WWC2: variants seen among roughly 807,000 people sequenced by gnomAD.
WWC2 encodes the protein protein WWC2.
A neutral mutation model predicts 138.5 loss-of-function variants in WWC2; 101 were observed. The ratio of observed to expected loss-of-function variants is 0.73; its 90% CI spans 0.62 to 0.86. The LOEUF is 0.86. Ranked by LOEUF, WWC2 falls within the 40% of genes least tolerant of loss-of-function variation. The pLI is 0.00. For missense variants in WWC2, 1,420 were observed against 1,419.4 expected (o/e 1.00, Z -0.01); for synonymous variants, 558 against 538.4 (o/e 1.04, Z -0.50).
intron 4 of WWC2, among the ~76,000 whole-genome samples, chr4:183,239,671 G>A (rs1248793522): frequency 2.6e-5 from 4 of 152,192 alleles, no homozygotes; most frequent in South Asian, 2.1e-4. Context: ...ATAAAACAGA[G>A]CCGTGGCAGG....
intron 1 of WWC2, among the ~76,000 whole-genome samples, chr4:183,121,645 C>T (rs1732603843): frequency 6.6e-6 from 1 of 152,034 alleles, no homozygotes; most frequent in South Asian, 2.1e-4. Context: ...TATGCCTGTT[C>T]CCCACACCTT....
At chr4:183,269,471 C>T (rs1560878118) in intron 15 of WWC2, 2 of 535,658 alleles carry the variant, frequency 3.7e-6, no homozygotes, top group African/African-American at 3.8e-5. Flanking sequence ...TTACCACTCC[C>T]AGTACCAATG....
chr4:183,118,784 T>A (rs1054256495), intron 1 of WWC2, among the ~76,000 whole-genome samples: 65 of 152,298 alleles, frequency 4.3e-4, no homozygotes, highest in African/African-American at 1.5e-3. Context: ...AAAGACATTA[T>A]GGGGCTGCAG....
chr4:183,127,723 A>G (rs1208953090), intron 1 of WWC2, among the ~76,000 whole-genome samples: 1 of 152,198 alleles, frequency 6.6e-6, no homozygotes, highest in Non-Finnish European at 1.5e-5. Flanking sequence ...TCATTTTACT[A>G]TCTATATTAT....
intron 21 of WWC2, among the ~76,000 whole-genome samples, chr4:183,301,967 A>C (rs1738855391): frequency 6.6e-6 from 1 of 152,242 alleles, no homozygotes; most frequent in Non-Finnish European, 1.5e-5. Context: ...CCCTCACTTA[A>C]TTCTAATAGT....
intron 2 of WWC2, among the ~76,000 whole-genome samples, chr4:183,195,959 G>A (rs993556757): frequency 2.0e-5 from 3 of 152,172 alleles, no homozygotes; most frequent in Admixed American, 6.5e-5. Context: ...GATCGTGGGA[G>A]TGGATTTCTC....
intron 2 of WWC2, among the ~76,000 whole-genome samples, chr4:183,197,501 G>A (rs2111219271): frequency 6.6e-6 from 1 of 152,298 alleles, no homozygotes; most frequent in Admixed American, 6.5e-5. Flanking sequence ...AAACACTATT[G>A]AATATTTAGA....
At chr4:183,178,375 TACAAATAA>T (rs1223270910) in intron 1 of WWC2, among the ~76,000 whole-genome samples, 24 of 112,910 alleles carry the variant, frequency 2.1e-4, no homozygotes, top group African/African-American at 7.8e-4. Flanking sequence ...ACCCTGTTTC[TACAAATAA>T]ATAAATAAAT....
chr4:183,188,549 A>G lies in WWC2; in HGVS notation c.132-5050A>G, dbSNP rs181761048. 5.0e-4 allele frequency among the ~76,000 whole-genome samples: 76 copies of G among 151,428 alleles called. 1 individual carries two copies. The East Asian group carries it at 0.01, about 20-fold the overall frequency. ...CACTGCACGTGGCCCATTGTGACCT[A>G]TTCTGATATCTAATGTTTGTTTTCT... On this transcript the variant is annotated intron_variant, in intron 1 of 22. Transcript: ENST00000403733.
intron 16 of WWC2, among the ~76,000 whole-genome samples, chr4:183,279,349 T>C (rs1447702054): frequency 6.6e-6 from 1 of 152,008 alleles, no homozygotes; most frequent in Non-Finnish European, 1.5e-5. Context: ...GTGGATAAGC[T>C]TTTTGATGTG....
At chr4:183,283,114 T>C (rs3814418) in intron 18 of WWC2, among the ~76,000 whole-genome samples, 41,625 of 152,130 alleles carry the variant, frequency 0.27, 6,128 homozygotes, top group Middle Eastern at 0.43. Flanking sequence ...TCTCCACTTA[T>C]ATTTGGAGAA....
At chr4:183,276,795 T>C (rs11729048) in intron 16 of WWC2, among the ~76,000 whole-genome samples, 12,186 of 151,998 alleles carry the variant, frequency 0.08, 690 homozygotes, top group Non-Finnish European at 0.12. Flanking sequence ...CTGTTAGTTA[T>C]CTATTTCAAC....
chr4:183,193,052 TC>T (rs1282078595), intron 1 of WWC2, among the ~76,000 whole-genome samples: 1 of 152,184 alleles, frequency 6.6e-6, no homozygotes, highest in East Asian at 1.9e-4. Flanking sequence ...TGTATTTGGT[TC>T]AGTTAAAAAT....
rs1246888721 is a variant in WWC2 at position 183,318,387 on chromosome 4, T to A, written c.*2658T>A. 1 of 152,662 alleles carries A rather than the reference T, an allele frequency of 6.6e-6. No homozygotes were observed. Among genetic ancestry groups the A allele is most frequent in the Non-Finnish European group, 1.5e-5 (1 of 68,042 alleles). The allele number at this position is 152,662 out of a possible 1,614,324, so 9.5% of individuals were successfully genotyped here. A position where few individuals can be genotyped will look rare whatever the true frequency, so the allele number is the denominator to read the frequency against. On this transcript the variant is annotated 3_prime_UTR_variant, in exon 23 of 23. Coordinates refer to ENST00000403733, the MANE Select transcript of WWC2 (RefSeq NM_024949.6). ...TCAGGTTAAATTCTGAACATGTTTC[T>A]GTTTTAATTTGTCTTGTTTGTAAAC...
chr4:183,200,073 G>T (rs987711263), intron 2 of WWC2, among the ~76,000 whole-genome samples: 1 of 152,122 alleles, frequency 6.6e-6, no homozygotes, highest in African/African-American at 2.4e-5. Context: ...GTTCATATTT[G>T]AATTGTGCAG....
chr4:183,296,048 C>G (rs1304279099), intron 21 of WWC2, among the ~76,000 whole-genome samples: 1 of 152,218 alleles, frequency 6.6e-6, no homozygotes, highest in African/African-American at 2.4e-5. Flanking sequence ...TTGCAGGGCA[C>G]CGCCTAAAAA....
At chr4:183,252,192 C>T (rs1193159468) in intron 8 of WWC2, among the ~76,000 whole-genome samples, 1 of 152,220 alleles carries the variant, frequency 6.6e-6, no homozygotes, top group Non-Finnish European at 1.5e-5. Context: ...TTCCCTTCTA[C>T]AAGTTCTCCC....
intron 11 of WWC2, among the ~76,000 whole-genome samples, chr4:183,262,139 A>C (rs944121813): frequency 6.6e-6 from 1 of 152,236 alleles, no homozygotes; most frequent in Admixed American, 6.5e-5. Context: ...ATTTGTATTC[A>C]AAAAGACAGA....
At chr4:183,153,749 G>A (rs1733713087) in intron 1 of WWC2, among the ~76,000 whole-genome samples, 1 of 149,262 alleles carries the variant, frequency 6.7e-6, no homozygotes, top group Non-Finnish European at 1.5e-5. Flanking sequence ...GGGCTCAAGT[G>A]ATCTTCCGAC....
Sources: gnomAD v4.1 joint callset for allele counts (sites outside exome capture counted in the v4.1 genomes callset) on GRCh38, gnomAD v4.1.1 for gene constraint, MANE v1.5 for transcripts, NCBI Gene and HGNC (gene_info 2026-07-23, HGNC 2026-07-21) for gene names.